COLQ: variants seen among roughly 807,000 people sequenced by gnomAD.
COLQ encodes collagen like tail subunit of asymmetric acetylcholinesterase.
COLQ carries 48 observed loss-of-function variants against 69.0 expected under a neutral mutation model. The ratio of observed to expected loss-of-function variants is 0.70; its 90% CI spans 0.55 to 0.88. The LOEUF (loss-of-function observed/expected upper bound fraction) is 0.88, where lower values mean the gene tolerates loss of function less well. Among genes scored for constraint, COLQ ranks in the 40% least tolerant of loss-of-function variants. The probability of loss-of-function intolerance (pLI) is 0.00; values close to 1 mark genes in which losing one functional copy is unlikely to be tolerated. For missense variants in COLQ, 618 were observed against 594.6 expected (o/e 1.04, Z -0.41); for synonymous variants, 217 against 211.2 (o/e 1.03, Z -0.24).
intron 1 of COLQ, among the ~76,000 whole-genome samples, chr3:15,499,149 C>T (rs770509556): frequency 4.0e-5 from 6 of 151,888 alleles, no homozygotes; most frequent in Non-Finnish European, 5.9e-5. Context: ...GTAACTAAAA[C>T]AACAACAACG....
At chr3:15,500,745 GTC>G (rs1361883477) in intron 1 of COLQ, among the ~76,000 whole-genome samples, 1 of 152,048 alleles carries the variant, frequency 6.6e-6, no homozygotes, top group Non-Finnish European at 1.5e-5. Flanking sequence ...CTCTGGCATT[GTC>G]TCTGTCTTTC....
intron 16 of COLQ, among the ~76,000 whole-genome samples, chr3:15,453,434 G>A (rs959436020): frequency 2.6e-5 from 4 of 152,208 alleles, no homozygotes; most frequent in Admixed American, 1.3e-4. Context: ...TAGACATGTC[G>A]ATTCTTGGAA....
rs371543315 is a variant in COLQ at position 15,489,665 on chromosome 3, G to C, written c.107-28C>G. 7.5e-6 allele frequency: 12 copies of C among 1,604,440 alleles called. No individual in the cohort carries two copies. In the African/African-American group the frequency reaches 1.2e-4, roughly 16 times the overall value. On this transcript the variant is annotated intron_variant, in intron 1 of 16. Transcript: ENST00000383788. ...GTTCAGAGAAAACTGCCGCTCGTTA[G>C]CATGTGGTCAGTGCTGGGCCTCTGT... is the stretch of plus-strand genomic sequence containing the variant.
At chr3:15,498,364 C>T (rs1023891299) in intron 1 of COLQ, 12 of 745,372 alleles carry the variant, frequency 1.6e-5, no homozygotes, top group Admixed American at 1.2e-4. Flanking sequence ...GAGAAACAGC[C>T]CTGTGAAAGA....
intron 1 of COLQ, chr3:15,496,218 C>G (rs572174758): frequency 6.5e-6 from 1 of 152,784 alleles, no homozygotes; most frequent in Admixed American, 6.6e-5. Context: ...CCCACCCCAT[C>G]CCCCTCACCC....
chr3:15,512,665 C>T (rs945072708), intron 1 of COLQ, among the ~76,000 whole-genome samples: 1 of 151,810 alleles, frequency 6.6e-6, no homozygotes, highest in African/African-American at 2.4e-5. Context: ...AAGATCTGAC[C>T]TCTTGCCATG....
chr3:15,515,489 A>G (rs959821742), intron 1 of COLQ, among the ~76,000 whole-genome samples: 1 of 152,220 alleles, frequency 6.6e-6, no homozygotes, highest in Non-Finnish European at 1.5e-5. Flanking sequence ...GAGAAATACA[A>G]GTGGTACTTC....
In COLQ at chr3:15,456,060, A is replaced by G. The variant is rs747829039; in HGVS notation, c.1075-41T>C. 4 of 1,612,264 alleles carry G rather than the reference A, an allele frequency of 2.5e-6. No individual in the cohort carries two copies. The African/African-American group carries it at 4.0e-5, about 16-fold the overall frequency. On this transcript the variant is annotated intron_variant, in intron 14 of 16. Transcript: ENST00000383788. ...CACAGCATTAACTGGAGCATGGCAT[A>G]CCCAGGCAGCCGCAGGCAGGGAGGT...
chr3:15,474,487 C>T (rs558381987), intron 8 of COLQ, among the ~76,000 whole-genome samples: 15 of 152,318 alleles, frequency 9.8e-5, no homozygotes, highest in Admixed American at 3.3e-4. Flanking sequence ...GGACAACTCA[C>T]GGAAAATTCT....
At chr3:15,510,847 A>G (rs913133116) in intron 1 of COLQ, among the ~76,000 whole-genome samples, 1 of 136,792 alleles carries the variant, frequency 7.3e-6, no homozygotes, top group African/African-American at 2.9e-5. Flanking sequence ...AGGGAGGGAG[A>G]GAGGAAGGAA....
chr3:15,460,573 G>A (rs2062097224), intron 12 of COLQ, among the ~76,000 whole-genome samples: 1 of 152,204 alleles, frequency 6.6e-6, no homozygotes, highest in Non-Finnish European at 1.5e-5. Context: ...GATCTGGCCA[G>A]GACCCCAGGG....
chr3:15,484,526 C>T (rs2062543379), intron 3 of COLQ, among the ~76,000 whole-genome samples: 1 of 152,170 alleles, frequency 6.6e-6, no homozygotes, highest in South Asian at 2.1e-4. Flanking sequence ...AACTTGATTC[C>T]ATTCTCCCCG....
chr3:15,514,511 AT>A (rs1477443005), intron 1 of COLQ, among the ~76,000 whole-genome samples: 4 of 152,192 alleles, frequency 2.6e-5, no homozygotes, highest in Non-Finnish European at 4.4e-5. Flanking sequence ...TACCCCAGAG[AT>A]TCTGATCTAA....
chr3:15,494,776 T>A (rs1455871266), intron 1 of COLQ, among the ~76,000 whole-genome samples: 1 of 152,180 alleles, frequency 6.6e-6, no homozygotes, highest in Non-Finnish European at 1.5e-5. Flanking sequence ...CTGACCAAAC[T>A]GTGCTTTCTG....
chr3:15,506,507 A>G (rs889339513), intron 1 of COLQ: 5 of 152,242 alleles, frequency 3.3e-5, no homozygotes, highest in African/African-American at 7.2e-5. Flanking sequence ...TATTTTGTGC[A>G]TATACAAGCA....
chr3:15,519,487 C>T (rs1328054820), intron 1 of COLQ, among the ~76,000 whole-genome samples: 2 of 152,210 alleles, frequency 1.3e-5, no homozygotes, highest in African/African-American at 2.4e-5. Context: ...TCCAAATCTG[C>T]CTGGGATCCA....
chr3:15,458,846 A>ATTT (rs397874056), intron 12 of COLQ, among the ~76,000 whole-genome samples: 16 of 145,544 alleles, frequency 1.1e-4, no homozygotes, highest in African/African-American at 4.0e-4. Flanking sequence ...TATATATAGA[A>ATTT]TTTTTTTTTT....
intron 14 of COLQ, 47 bp from the exon 15 acceptor site, chr3:15,456,066 G>T (rs1449717384): frequency 1.9e-6 from 3 of 1,609,960 alleles, no homozygotes; most frequent in African/African-American, 2.7e-5. Flanking sequence ...GCATACCCAG[G>T]CAGCCGCAGG....
chr3:15,460,159 G>A (rs1011028103), intron 12 of COLQ, among the ~76,000 whole-genome samples: 4 of 152,188 alleles, frequency 2.6e-5, no homozygotes, highest in African/African-American at 9.7e-5. Flanking sequence ...TTCCATCAAG[G>A]TTGATCTCCA....
Sources: allele counts gnomAD v4.1 joint callset (sites outside exome capture counted in the v4.1 genomes callset), GRCh38; gene constraint gnomAD v4.1.1; transcripts MANE v1.5; gene names NCBI Gene and HGNC (gene_info 2026-07-23, HGNC 2026-07-21).